The following FUBP3 variants were observed in gnomAD, a reference collection of about 807,000 sequenced individuals.
The protein encoded by FUBP3 is far upstream element binding protein 3, also known as far upstream element-binding protein 3.
FUBP3 carries 28 observed loss-of-function variants against 85.6 expected under a neutral mutation model. The ratio of observed to expected loss-of-function variants is 0.33; its 90% CI spans 0.24 to 0.45. The LOEUF is 0.45. FUBP3 is among the 20% of genes least tolerant of loss of function. FUBP3 has a pLI of 1.00. For missense variants in FUBP3, 583 were observed against 755.1 expected (o/e 0.77, Z 2.67); for synonymous variants, 271 against 271.4 (o/e 1.00, Z 0.01).
At position 130,626,341 on chromosome 9, in the gene FUBP3, C is replaced by A. The variant is rs371953501; in HGVS notation, c.976-23C>A. On this transcript the variant is annotated intron_variant, in intron 11 of 18. Coordinates refer to ENST00000319725, the MANE Select transcript of FUBP3 (RefSeq NM_003934.2). ...GGTGCTGTGGCAGTGGCAGAGGTCG[C>A]TACAGCCCTGTGATCTTTCCAGGAA... The A allele has an allele frequency of 4.1e-5, 66 of 1,603,992 alleles. No homozygotes were observed. In the African/African-American group the frequency reaches 8.7e-4, roughly 21 times the overall value.
In FUBP3 at chr9:130,589,673, GTGTATATATA is replaced by G. The variant is rs1189971487; in HGVS notation, c.85-5808_85-5799del. Among the ~76,000 whole-genome samples, 68 of 28,340 alleles carry G rather than the reference GTGTATATATA, an allele frequency of 2.4e-3. 1 individual carries two copies. Among genetic ancestry groups the G allele is most frequent in the African/African-American group, 8.2e-3 (63 of 7,656 alleles). 18.6% of individuals were successfully genotyped at this position (28,340 alleles called of 152,430 possible). On this transcript the variant is annotated intron_variant, in intron 1 of 18. Transcript: ENST00000319725. ...TTATTTTAAATATGTATGTATGTGTGTGTATATATATATATATATATATATATATATATTT... is the reference window on the plus strand; with the variant it reads ...TTATTTTAAATATGTATGTATGTGTGTATATATATATATATATATATATTT...
At chr9:130,621,469 G>A (rs1829744229) in intron 9 of FUBP3, among the ~76,000 whole-genome samples, 1 of 152,232 alleles carries the variant, frequency 6.6e-6, no homozygotes, top group Non-Finnish European at 1.5e-5. Context: ...ACCCAGCCTG[G>A]ATAACAAGTC....
intron 1 of FUBP3, among the ~76,000 whole-genome samples, chr9:130,588,608 T>C (rs903942758): frequency 5.3e-5 from 8 of 152,364 alleles, no homozygotes; most frequent in African/African-American, 1.9e-4. Flanking sequence ...TATCTTGTTA[T>C]CCCTGTGGAT....
chr9:130,626,874 A>G (rs562582927), intron 12 of FUBP3, among the ~76,000 whole-genome samples: 1 of 152,204 alleles, frequency 6.6e-6, no homozygotes, highest in Non-Finnish European at 1.5e-5. Flanking sequence ...CGGTTGAGAC[A>G]GTATCCTCAG....
chr9:130,635,931 C>G lies in FUBP3; in HGVS notation c.1583-68C>G, dbSNP rs755021639. 4.6e-6 allele frequency: 7 copies of G among 1,536,570 alleles called. No individual in the cohort carries two copies. Among genetic ancestry groups the G allele is most frequent in the Non-Finnish European group, 5.3e-6 (6 of 1,131,854 alleles). On this transcript the variant is annotated intron_variant, in intron 17 of 18. Transcript: ENST00000319725. This position sits in a 1 kb window ranked among gnomAD's most constrained non-coding sequence, Gnocchi z 4.3. ...CGGAGGGAGAGCAGATGCCCAGGGCCTTTGGGAAGGGTCCTGCCCAGTGCA... is the reference window on the plus strand; with the variant it reads ...CGGAGGGAGAGCAGATGCCCAGGGCGTTTGGGAAGGGTCCTGCCCAGTGCA...
At chr9:130,626,585 T>C (rs1829985946) in intron 12 of FUBP3, 80 bp downstream of exon 12, 1 of 1,436,562 alleles carries the variant, frequency 7.0e-7, no homozygotes, top group African/African-American at 1.4e-5. Flanking sequence ...TCCAGAACCT[T>C]TGGTGAGGTC....
At chr9:130,618,221 C>A (rs1263712749) in intron 8 of FUBP3, among the ~76,000 whole-genome samples, 1 of 152,222 alleles carries the variant, frequency 6.6e-6, no homozygotes. Flanking sequence ...CATTTCCGAG[C>A]TCTTGCTGGT....
At chr9:130,591,488 G>A (rs1830624297) in intron 1 of FUBP3, among the ~76,000 whole-genome samples, 1 of 152,092 alleles carries the variant, frequency 6.6e-6, no homozygotes, top group African/African-American at 2.4e-5. Context: ...ATTCTATTAG[G>A]CATTTAAAAT....
intron 13 of FUBP3, 175 bp from the exon 14 acceptor site, chr9:130,631,382 G>T: frequency 7.3e-7 from 1 of 1,364,940 alleles, no homozygotes; most frequent in African/African-American, 1.5e-5. Context: ...GAGGGCAGAA[G>T]CCATTTCTGC....
intron 12 of FUBP3, among the ~76,000 whole-genome samples, chr9:130,629,401 A>G (rs1214210851): frequency 6.6e-6 from 1 of 152,164 alleles, no homozygotes; most frequent in Non-Finnish European, 1.5e-5. Flanking sequence ...ATGCGACCTT[A>G]TCTGCATGCC....
intron 1 of FUBP3, among the ~76,000 whole-genome samples, chr9:130,589,675 G>GTATATATATATATATA (rs1170568300): frequency 8.8e-4 from 30 of 34,264 alleles, no homozygotes; most frequent in African/African-American, 1.9e-3. Context: ...GTATGTGTGT[G>GTATATATATATATATA]TATATATATA....
At chr9:130,626,043 C>T (rs57940174) in intron 11 of FUBP3, among the ~76,000 whole-genome samples, 5 of 152,054 alleles carry the variant, frequency 3.3e-5, no homozygotes, top group African/African-American at 1.2e-4. Context: ...GCCTGTAGAT[C>T]GGGGCCCAGT....
chr9:130,587,062 T>TTTG (rs1300186387), intron 1 of FUBP3, among the ~76,000 whole-genome samples: 12 of 129,814 alleles, frequency 9.2e-5, no homozygotes, highest in African/African-American at 4.1e-4. Context: ...TTTGTTTTTT[T>TTTG]TTTTTGTTTG....
At position 130,612,486 on chromosome 9, in the gene FUBP3, T is replaced by C; in HGVS notation, c.255T>C (p.Pro85=). The C allele has an allele frequency of 6.3e-7, 1 of 1,596,444 alleles. No homozygotes were observed. The highest frequency in any genetic ancestry group is 8.6e-7 in the Non-Finnish European group (1 of 1,164,826). The change falls in exon 4 of 19, where the codon CCT becomes CCC. Residue 85 remains proline (P), a synonymous_variant. Coordinates refer to ENST00000319725, the MANE Select transcript of FUBP3 (RefSeq NM_003934.2). This position sits in a 1 kb window ranked among gnomAD's most constrained non-coding sequence, Gnocchi z 4.1. ...RTVITEEFKV[P]DKMVGFIIGR... is the part of the protein sequence containing the mutation. ...TAATAACGGAAGAATTCAAAGTGCC[T>C]GACAAAATGGTTGGATTTAGTAAGT...
chr9:130,628,320 G>A (rs540821612), intron 12 of FUBP3, among the ~76,000 whole-genome samples: 1 of 152,200 alleles, frequency 6.6e-6, no homozygotes, highest in Non-Finnish European at 1.5e-5. Flanking sequence ...CAGCCAGCCT[G>A]CTCTTGTCAG....
chr9:130,586,663 G>A (rs973425316), intron 1 of FUBP3, among the ~76,000 whole-genome samples: 5 of 151,938 alleles, frequency 3.3e-5, no homozygotes, highest in Admixed American at 1.3e-4. Context: ...TTGGACCCAT[G>A]CCCTCTGCAT....
intron 16 of FUBP3, among the ~76,000 whole-genome samples, chr9:130,634,133 G>A (rs1293500763): frequency 6.6e-6 from 1 of 152,168 alleles, no homozygotes; most frequent in Non-Finnish European, 1.5e-5. Context: ...TGAACCCAGG[G>A]TCCTGCACAG....
At chr9:130,582,566 G>A (rs1830178372) in intron 1 of FUBP3, among the ~76,000 whole-genome samples, 1 of 152,160 alleles carries the variant, frequency 6.6e-6, no homozygotes, top group Admixed American at 6.5e-5. Context: ...CCAAGTCATT[G>A]GCTGGTTAGC....
Position 130,595,540 on chromosome 9 carries a change from C to T in FUBP3, c.142C>T (p.Pro48Ser). 6.3e-7 allele frequency: 1 copy of T among 1,593,580 alleles called. No individual in the cohort carries two copies. The highest frequency in any genetic ancestry group is 8.6e-7 in the Non-Finnish European group (1 of 1,161,290). ...HLNNSTPLVDPSVYGYGVQKR... is the reference protein window; with the variant it reads ...HLNNSTPLVDSSVYGYGVQKR... ...GAATAATTCCACACCTCTAGTGGACCCCTCAGTATATGGATACGGAGTACA... is the reference window on the plus strand; with the variant it reads ...GAATAATTCCACACCTCTAGTGGACTCCTCAGTATATGGATACGGAGTACA... The change falls in exon 2 of 19, where the codon CCC (proline) becomes TCC (serine). Residue 48 changes from proline to serine, a missense_variant. Physicochemically the swap from Pro to Ser is moderately conservative, Grantham distance 74. Coordinates refer to ENST00000319725, the MANE Select transcript of FUBP3 (RefSeq NM_003934.2).
Sources: gnomAD v4.1 joint callset for allele counts (sites outside exome capture counted in the v4.1 genomes callset) on GRCh38, gnomAD v4.1.1 for gene constraint, Gnocchi (gnomAD v3.1) non-coding constraint, MANE v1.5 for transcripts, NCBI Gene and HGNC (gene_info 2026-07-23, HGNC 2026-07-21) for gene names.